The following SEMA3E variants were observed in gnomAD, a reference collection of about 807,000 sequenced individuals.
SEMA3E encodes the protein semaphorin-3E.
In SEMA3E, 49 loss-of-function variants were observed where a neutral mutation model predicts 93.6. The ratio of observed to expected loss-of-function variants is 0.52; its 90% CI spans 0.42 to 0.66. The LOEUF (loss-of-function observed/expected upper bound fraction) is 0.66. Ranked by LOEUF, SEMA3E falls within the 30% of genes least tolerant of loss-of-function variation. The pLI, the probability that SEMA3E is intolerant of heterozygous loss-of-function variation, is 0.00. For synonymous variants in SEMA3E, 363 were observed against 330.7 expected (o/e 1.10, Z -1.06); for missense variants, 906 against 964.8 (o/e 0.94, Z 0.81).
chr7:83,648,376 T>C (rs986339234), intron 1 of SEMA3E, 52 bp downstream of exon 1: 4 of 1,373,732 alleles, frequency 2.9e-6, no homozygotes, highest in African/African-American at 3.0e-5. Flanking sequence ...TTTTCTTTTT[T>C]CTTTTTCTTT....
At chr7:83,590,380 G>A (rs1018358870) in intron 1 of SEMA3E, among the ~76,000 whole-genome samples, 7 of 152,180 alleles carry the variant, frequency 4.6e-5, no homozygotes, top group Admixed American at 2.0e-4. Flanking sequence ...AATCTGGAGC[G>A]TAAATATATT....
chr7:83,607,266 T>C (rs1237933453), intron 1 of SEMA3E, among the ~76,000 whole-genome samples: 1 of 152,240 alleles, frequency 6.6e-6, no homozygotes, highest in African/African-American at 2.4e-5. Context: ...TTTTTACAAC[T>C]TGATTGACTT....
chr7:83,367,986 C>T lies in SEMA3E; in HGVS notation c.1928G>A (p.Arg643Lys). 2 of 1,614,010 alleles carry T rather than the reference C, an allele frequency of 1.2e-6. No homozygotes were observed. The highest frequency in any genetic ancestry group is 1.1e-5 in the South Asian group (1 of 91,080). ...GGTCCCAGCATCTGATTTGTGTAAC[C>T]TTAGGAAGAGTAAACCAAGGTCCAT... ...VKMDLGLLFL[R>K]LHKSDAGTYF... Residue 643 changes from arginine (R) to lysine (K), a missense_variant, in exon 17 of 17, where the codon AGG becomes AAG. By Grantham distance (26) the Arg-to-Lys change is conservative (BLOSUM62 2). Transcript: ENST00000643230.
intron 1 of SEMA3E, among the ~76,000 whole-genome samples, chr7:83,494,687 T>C (rs1372607773): frequency 2.0e-5 from 3 of 151,980 alleles, no homozygotes; most frequent in Non-Finnish European, 2.9e-5. Flanking sequence ...CTTCTCTTAA[T>C]GCCACCGCTT....
Position 83,367,313 on chromosome 7 carries a change from A to T in SEMA3E, c.*273T>A. The T allele has an allele frequency of 3.0e-6, 1 of 338,338 alleles. No individual in the cohort carries two copies. 21.0% of individuals were successfully genotyped at this position (338,338 alleles called of 1,614,324 possible). Reference sequence around the variant, plus strand: ...AAAATAATAATTTTCACAGAAAAGCAGCCAAGTACTGAAAATAACAGCTAC... The same window carrying T: ...AAAATAATAATTTTCACAGAAAAGCTGCCAAGTACTGAAAATAACAGCTAC... On this transcript the variant is annotated 3_prime_UTR_variant, in exon 17 of 17. Coordinates refer to ENST00000643230, the MANE Select transcript of SEMA3E (RefSeq NM_012431.3).
chr7:83,634,743 T>C (rs1793848967), intron 1 of SEMA3E, among the ~76,000 whole-genome samples: 1 of 152,096 alleles, frequency 6.6e-6, no homozygotes, highest in African/African-American at 2.4e-5. Context: ...AACAATATAA[T>C]AATAAAATCA....
chr7:83,443,866 T>C (rs1385683934), intron 4 of SEMA3E, among the ~76,000 whole-genome samples: 3 of 151,756 alleles, frequency 2.0e-5, no homozygotes, highest in African/African-American at 7.2e-5. Flanking sequence ...CAATTAATAG[T>C]TTATAAATAA....
chr7:83,600,183 A>T (rs1199882401), intron 1 of SEMA3E, among the ~76,000 whole-genome samples: 1 of 152,170 alleles, frequency 6.6e-6, no homozygotes, highest in Non-Finnish European at 1.5e-5. Context: ...GTTCATAAAA[A>T]TCCTTCCAAT....
At position 83,522,313 on chromosome 7, in the gene SEMA3E, A is replaced by C. The variant is rs551679013; in HGVS notation, c.116-32039T>G. On this transcript the variant is annotated intron_variant, in intron 1 of 16. Coordinates refer to ENST00000643230, the MANE Select transcript of SEMA3E (RefSeq NM_012431.3). ...TATCATCAGATTACTGTCATTAGCT[A>C]ATGGAGCTATTTCATCAACACAACA... Among the ~76,000 whole-genome samples, 19 of 152,174 alleles carry C rather than the reference A, an allele frequency of 1.2e-4. No homozygotes were observed. The South Asian group carries it at 3.7e-3, about 30-fold the overall frequency.
intron 4 of SEMA3E, among the ~76,000 whole-genome samples, chr7:83,441,562 A>G (rs1444389999): frequency 6.6e-6 from 1 of 152,198 alleles, no homozygotes; most frequent in African/African-American, 2.4e-5. Flanking sequence ...AATGATAGCT[A>G]TAGTCATACA....
chr7:83,540,749 G>T (rs762849613), intron 1 of SEMA3E, among the ~76,000 whole-genome samples: 1 of 152,068 alleles, frequency 6.6e-6, no homozygotes, highest in Non-Finnish European at 1.5e-5. Context: ...AAGGCAGAAG[G>T]TCTGCATTTT....
At chr7:83,643,590 A>G (rs1794041920) in intron 1 of SEMA3E, among the ~76,000 whole-genome samples, 1 of 152,000 alleles carries the variant, frequency 6.6e-6, no homozygotes, top group Non-Finnish European at 1.5e-5. Context: ...ATATATCCAG[A>G]TGCACTGATG....
At chr7:83,507,281 T>C (rs1183277653) in intron 1 of SEMA3E, among the ~76,000 whole-genome samples, 2 of 152,116 alleles carry the variant, frequency 1.3e-5, no homozygotes, top group African/African-American at 2.4e-5. Flanking sequence ...TCTGCCATGA[T>C]TAAGAAGAGG....
intron 1 of SEMA3E, among the ~76,000 whole-genome samples, chr7:83,568,752 C>T (rs1012611190): frequency 6.6e-6 from 1 of 151,972 alleles, no homozygotes; most frequent in Non-Finnish European, 1.5e-5. Context: ...ATGACAAATC[C>T]ACAGCTAATA....
chr7:83,479,860 T>TA (rs1790107253), intron 2 of SEMA3E, among the ~76,000 whole-genome samples: 1 of 152,194 alleles, frequency 6.6e-6, no homozygotes, highest in Non-Finnish European at 1.5e-5. Context: ...TAAAATAAGT[T>TA]AAAATGAAAA....
At chr7:83,515,826 G>A (rs1790915725) in intron 1 of SEMA3E, among the ~76,000 whole-genome samples, 1 of 152,060 alleles carries the variant, frequency 6.6e-6, no homozygotes, top group Non-Finnish European at 1.5e-5. Flanking sequence ...TCAGGAGTTC[G>A]AGACCAGCCT....
intron 4 of SEMA3E, among the ~76,000 whole-genome samples, chr7:83,438,950 T>A (rs1038800175): frequency 2.6e-5 from 4 of 152,220 alleles, no homozygotes; most frequent in African/African-American, 9.6e-5. Flanking sequence ...GTGTCTTTCC[T>A]GACCACCTTC....
In SEMA3E at chr7:83,410,467, T is replaced by C. The variant is rs562615897; in HGVS notation, c.551-1980A>G. 9.2e-5 allele frequency among the ~76,000 whole-genome samples: 14 copies of C among 152,168 alleles called. No individual in the cohort carries two copies. In the South Asian group the frequency reaches 2.9e-3, roughly 32 times the overall value. ...TAAATCTGGACTTAACAATATATAA[T>C]TTGGTAGAGAAAAGTTATGTTAGAA... is the stretch of plus-strand genomic sequence containing the variant. On this transcript the variant is annotated intron_variant, in intron 5 of 16. Transcript: ENST00000643230.
At chr7:83,552,445 A>G (rs534991656) in intron 1 of SEMA3E, among the ~76,000 whole-genome samples, 2 of 152,290 alleles carry the variant, frequency 1.3e-5, no homozygotes, top group South Asian at 4.1e-4. Context: ...ACCTTGAAAA[A>G]GAACAGAATA....
Sources: gnomAD v4.1 joint callset for allele counts (sites outside exome capture counted in the v4.1 genomes callset) on GRCh38, gnomAD v4.1.1 for gene constraint, MANE v1.5 for transcripts, NCBI Gene and HGNC (gene_info 2026-07-23, HGNC 2026-07-21) for gene names.